FRMPD2: variants seen among roughly 807,000 people sequenced by gnomAD.
FRMPD2 encodes the protein FERM and PDZ domain-containing protein 2.
FRMPD2 carries 96 observed loss-of-function variants against 140.1 expected under a neutral mutation model. The ratio of observed to expected loss-of-function variants is 0.69; its 90% CI spans 0.58 to 0.81. The LOEUF (loss-of-function observed/expected upper bound fraction) is 0.81, where lower values mean the gene tolerates loss of function less well. FRMPD2 is among the 40% of genes least tolerant of loss of function. The pLI is 0.00. For missense variants in FRMPD2, 1,240 were observed against 1,447.4 expected (o/e 0.86, Z 2.32); for synonymous variants, 449 against 547.6 (o/e 0.82, Z 2.52).
At chr10:48,186,309 T>C (rs1838682719) in intron 17 of FRMPD2, among the ~76,000 whole-genome samples, 1 of 152,188 alleles carries the variant, frequency 6.6e-6, no homozygotes, top group Admixed American at 6.5e-5. Context: ...TTGGCAGAAA[T>C]TGGCAGACAA....
At chr10:48,212,876 T>C (rs138663425) in intron 12 of FRMPD2, among the ~76,000 whole-genome samples, 10 of 152,054 alleles carry the variant, frequency 6.6e-5, no homozygotes, top group Non-Finnish European at 1.2e-4. Flanking sequence ...CATGCAGGAG[T>C]GATCTTGAGG....
At chr10:48,199,476 G>C (rs1439831787) in intron 15 of FRMPD2, among the ~76,000 whole-genome samples, 1 of 152,176 alleles carries the variant, frequency 6.6e-6, no homozygotes, top group African/African-American at 2.4e-5. Flanking sequence ...GATTGGTACA[G>C]GTGCTTCCAG....
In FRMPD2 at chr10:48,240,475, C is replaced by T; in HGVS notation, c.585G>A (p.Val195=). ...TCTGCTGCACAGAGGAGCTTTCCTC[C>T]ACAACTCTTTTCTCCACCTGGGGGT... The part of the protein sequence containing the change: ...GTISEVEKRV[V]EESSSVQQNR... The change falls in exon 6 of 29, where the codon GTG becomes GTA. Residue 195 remains valine (V), a synonymous_variant. Coordinates refer to ENST00000374201, the MANE Select transcript of FRMPD2 (RefSeq NM_001018071.4). 1 of 1,613,844 alleles carries T rather than the reference C, an allele frequency of 6.2e-7. No homozygotes were observed. Among genetic ancestry groups the T allele is most frequent in the Non-Finnish European group, 8.5e-7 (1 of 1,180,022 alleles).
intron 13 of FRMPD2, among the ~76,000 whole-genome samples, chr10:48,209,162 T>TA (rs374419846): frequency 1.7e-3 from 262 of 152,326 alleles, no homozygotes; most frequent in African/African-American, 6.0e-3. Flanking sequence ...TTGTAAAGCA[T>TA]TTGTAATTAT....
chr10:48,203,000 C>G (rs1251117379), intron 14 of FRMPD2, among the ~76,000 whole-genome samples: 3 of 152,058 alleles, frequency 2.0e-5, no homozygotes, highest in African/African-American at 7.2e-5. Context: ...GGGTATCGCT[C>G]TGTTGCCCAG....
intron 20 of FRMPD2, 34 bp downstream of exon 20, chr10:48,184,532 C>T: frequency 7.6e-7 from 1 of 1,314,400 alleles, no homozygotes. Context: ...AACAGGGGAG[C>T]CTCTTAAGCT....
At chr10:48,206,645 G>A (rs1839205245) in intron 14 of FRMPD2, 103 bp downstream of exon 14, 1 of 839,614 alleles carries the variant, frequency 1.2e-6, no homozygotes, top group Non-Finnish European at 1.9e-6. Flanking sequence ...AGAATGTTTG[G>A]TCAGGAGAAA....
At chr10:48,262,913 T>C (rs181258257) in intron 1 of FRMPD2, among the ~76,000 whole-genome samples, 17 of 152,106 alleles carry the variant, frequency 1.1e-4, no homozygotes, top group Non-Finnish European at 1.5e-4. Context: ...GTAGCTGAGA[T>C]TACAAGTTTA....
intron 13 of FRMPD2, among the ~76,000 whole-genome samples, chr10:48,211,432 A>G (rs1328718845): frequency 6.6e-6 from 1 of 152,104 alleles, no homozygotes; most frequent in Non-Finnish European, 1.5e-5. Flanking sequence ...CTGTTGTCCT[A>G]TGTGTCAACT....
intron 14 of FRMPD2, among the ~76,000 whole-genome samples, chr10:48,202,223 T>A (rs1319081973): frequency 6.6e-6 from 1 of 152,194 alleles, no homozygotes; most frequent in Admixed American, 6.5e-5. Flanking sequence ...TCATTCTAGA[T>A]ATTCTATCTA....
At chr10:48,273,569 G>A (rs888221381) in intron 1 of FRMPD2, among the ~76,000 whole-genome samples, 6 of 152,014 alleles carry the variant, frequency 3.9e-5, no homozygotes, top group East Asian at 1.9e-4. Flanking sequence ...GCTAGTGTTC[G>A]CTTAGCATTA....
At chr10:48,267,271 G>A (rs1263821125) in intron 1 of FRMPD2, among the ~76,000 whole-genome samples, 2 of 152,122 alleles carry the variant, frequency 1.3e-5, no homozygotes, top group African/African-American at 4.8e-5. Context: ...ATTTTCGTGA[G>A]CAATGACAAG....
At chr10:48,212,975 A>G (rs990578154) in intron 12 of FRMPD2, among the ~76,000 whole-genome samples, 2 of 152,316 alleles carry the variant, frequency 1.3e-5, no homozygotes, top group East Asian at 3.9e-4. Context: ...TCCTGGTCTC[A>G]GGAAGCCTTT....
chr10:48,236,382 G>T (rs977511775), intron 9 of FRMPD2, 100 bp downstream of exon 9: 6 of 924,952 alleles, frequency 6.5e-6, no homozygotes, highest in African/African-American at 6.4e-5. Context: ...TGCCACTGGG[G>T]TGTTCCCATG....
chr10:48,184,516 C>G (rs1185756043), intron 20 of FRMPD2, 50 bp downstream of exon 20: 2 of 1,122,166 alleles, frequency 1.8e-6, no homozygotes, highest in Non-Finnish European at 2.7e-6. Context: ...ATCATGTACT[C>G]CTGAAAACAG....
chr10:48,219,630 A>G (rs1434419787), intron 12 of FRMPD2, among the ~76,000 whole-genome samples: 1 of 152,234 alleles, frequency 6.6e-6, no homozygotes, highest in Admixed American at 6.5e-5. Context: ...ATAACAGCTC[A>G]AGTGGTTGGT....
At chr10:48,235,267 T>C (rs530853133) in intron 9 of FRMPD2, among the ~76,000 whole-genome samples, 4 of 152,320 alleles carry the variant, frequency 2.6e-5, no homozygotes, top group Admixed American at 2.0e-4. Context: ...CTTCATATTT[T>C]TTGTGCCCAT....
chr10:48,187,450 G>A (rs1406834068), intron 16 of FRMPD2, among the ~76,000 whole-genome samples, 158 bp from the exon 17 acceptor site: 2 of 152,148 alleles, frequency 1.3e-5, no homozygotes, highest in Non-Finnish European at 2.9e-5. Flanking sequence ...CAGCTCCTCA[G>A]AGGGACCCCA....
intron 15 of FRMPD2, among the ~76,000 whole-genome samples, chr10:48,193,110 G>A (rs1266974951): frequency 2.6e-5 from 4 of 152,212 alleles, no homozygotes; most frequent in East Asian, 1.9e-4. Context: ...AGGAAGAGAC[G>A]AGATGCTCTC....
Sources: allele counts gnomAD v4.1 joint callset (sites outside exome capture counted in the v4.1 genomes callset), GRCh38; gene constraint gnomAD v4.1.1; transcripts MANE v1.5; gene names NCBI Gene and HGNC (gene_info 2026-07-23, HGNC 2026-07-21).